NAA80: variants seen among roughly 807,000 people sequenced by gnomAD.
The protein encoded by NAA80 is N-alpha-acetyltransferase 80.
Under a neutral mutation model 8.7 loss-of-function variants are expected in NAA80, and 5 were observed. That is an observed-to-expected ratio of 0.58 (90% CI 0.30 to 1.21). NAA80 has a LOEUF of 1.21. Among genes scored for constraint, NAA80 ranks in the 50% most tolerant of loss-of-function variants. The pLI is 0.07. For synonymous variants in NAA80, 149 were observed against 156.6 expected (o/e 0.95, Z 0.36); for missense variants, 360 against 368.6 (o/e 0.98, Z 0.19).
Position 50,297,071 on chromosome 3 carries a change from G to C in NAA80, c.393C>G (p.Asn131Lys). ...VGHARLSRVL[N>K]QPQSLLVETV... ...TCTCCACTAAGAGGCTCTGGGGCTGGTTCAGCACCCGTGACAGGCGGGCAT... is the reference window on the plus strand; with the variant it reads ...TCTCCACTAAGAGGCTCTGGGGCTGCTTCAGCACCCGTGACAGGCGGGCAT... Residue 131 changes from asparagine to lysine, a missense_variant, in exon 2 of 2, where the codon AAC becomes AAG. Asn to Lys is a moderately conservative substitution (Grantham distance 94). Coordinates refer to ENST00000443094, the MANE Select transcript of NAA80 (RefSeq NM_001200016.2). This position sits in a 1 kb window ranked among gnomAD's most constrained non-coding sequence, Gnocchi z 4.3. 1.3e-6 allele frequency: 2 copies of C among 1,538,146 alleles called. No individual in the cohort carries two copies. The highest frequency in any genetic ancestry group is 8.7e-7 in the Non-Finnish European group (1 of 1,143,152).
rs77944398 is a variant in NAA80 at position 50,297,081 on chromosome 3, C to A, written c.383G>T (p.Arg128Leu). 1 of 1,539,198 alleles carries A rather than the reference C, an allele frequency of 6.5e-7. No homozygotes were observed. The highest frequency in any genetic ancestry group is 8.8e-7 in the Non-Finnish European group (1 of 1,142,724). ...GAGGCTCTGGGGCTGGTTCAGCACCCGTGACAGGCGGGCATGGCCCACCAC... is the reference window on the plus strand; with the variant it reads ...GAGGCTCTGGGGCTGGTTCAGCACCAGTGACAGGCGGGCATGGCCCACCAC... ...PVVVGHARLS[R>L]VLNQPQSLLV... The change falls in exon 2 of 2, where the codon CGG becomes CTG. Residue 128 changes from arginine to leucine, a missense_variant. Coordinates refer to ENST00000443094, the MANE Select transcript of NAA80 (RefSeq NM_001200016.2). This position sits in a 1 kb window ranked among gnomAD's most constrained non-coding sequence, Gnocchi z 4.3.
Position 50,299,269 on chromosome 3 carries a change from T to C in NAA80, c.-266A>G. The C allele has an allele frequency of 6.2e-7, 1 of 1,613,782 alleles. No individual in the cohort carries two copies. The highest frequency in any genetic ancestry group is 8.5e-7 in the Non-Finnish European group (1 of 1,179,968). Reference sequence around the variant, plus strand: ...TCCTAGCTCCGCACAGCTGGGTATCTCACTCAGTCGCCACCTCGGACTCCT... The same window carrying C: ...TCCTAGCTCCGCACAGCTGGGTATCCCACTCAGTCGCCACCTCGGACTCCT... On this transcript the variant is annotated 5_prime_UTR_variant, in exon 1 of 2. Coordinates refer to ENST00000443094, the MANE Select transcript of NAA80 (RefSeq NM_001200016.2).
Position 50,296,483 on chromosome 3 carries a change from T to C in NAA80, c.*120A>G, listed in dbSNP as rs1025759737. The C allele has an allele frequency of 8.3e-7, 1 of 1,206,498 alleles. No individual in the cohort carries two copies. The highest frequency in any genetic ancestry group is 1.2e-6 in the Non-Finnish European group (1 of 868,892). 74.7% of individuals were successfully genotyped at this position (1,206,498 alleles called of 1,614,324 possible). ...TGGCCCCACTGGTACCCAGGAAACATGCCCAGGTTAAAGCTGCCCCCCAGG... is the reference window on the plus strand; with the variant it reads ...TGGCCCCACTGGTACCCAGGAAACACGCCCAGGTTAAAGCTGCCCCCCAGG... On this transcript the variant is annotated 3_prime_UTR_variant, in exon 2 of 2. Transcript: ENST00000443094.
intron 1 of NAA80, 39 bp downstream of exon 1, chr3:50,299,174 G>C: frequency 6.2e-7 from 1 of 1,614,108 alleles, no homozygotes; most frequent in Non-Finnish European, 8.5e-7. Flanking sequence ...CGCGCGGGGT[G>C]GACCTACAGG....
chr3:50,298,640 G>C (rs1448024731), intron 1 of NAA80, among the ~76,000 whole-genome samples: 1 of 152,118 alleles, frequency 6.6e-6, no homozygotes, highest in Non-Finnish European at 1.5e-5. Context: ...GCAGGTCTAT[G>C]CTGGGGGTTT....
rs782146142 is a variant in NAA80, at chr3:50,296,658, G to A, written c.806C>T (p.Thr269Ile). Residue 269 changes from threonine to isoleucine, a missense_variant, in exon 2 of 2, where the codon ACA becomes ATA. Physicochemically the swap from Thr to Ile is moderately conservative, Grantham distance 89 (BLOSUM62 -1). Coordinates refer to ENST00000443094, the MANE Select transcript of NAA80 (RefSeq NM_001200016.2). ...SGPPSKSLLETQYQNVRGRPI... is the reference protein window; with the variant it reads ...SGPPSKSLLEIQYQNVRGRPI... ...GCGCCCCCTCACATTTTGATATTGTGTCTCCAGCAGGCTTTTTGAAGGGGG... is the reference window on the plus strand; with the variant it reads ...GCGCCCCCTCACATTTTGATATTGTATCTCCAGCAGGCTTTTTGAAGGGGG... 2 of 1,614,000 alleles carry A rather than the reference G, an allele frequency of 1.2e-6. No individual in the cohort carries two copies. The highest frequency in any genetic ancestry group is 1.1e-5 in the South Asian group (1 of 91,082).
In NAA80 at chr3:50,297,563, G is replaced by A. The variant is rs1421921185; in HGVS notation, c.-100C>T. ...GATCCAGGTTCAGCTGAGTCAGGCT[G>A]GGAGCCAAGGTCACCTGCTGCTAGG... On this transcript the variant is annotated 5_prime_UTR_variant, in exon 2 of 2. Transcript: ENST00000443094. This position sits in a 1 kb window ranked among gnomAD's most constrained non-coding sequence, Gnocchi z 4.3. The A allele has an allele frequency of 6.7e-7, 1 of 1,498,556 alleles. No individual in the cohort carries two copies. Among genetic ancestry groups the A allele is most frequent in the Admixed American group, 2.3e-5 (1 of 43,168 alleles). The allele number at this position is 1,498,556 out of a possible 1,614,324, so 92.8% of individuals were successfully genotyped here. A position where few individuals can be genotyped will look rare whatever the true frequency, so the allele number is the denominator to read the frequency against.
chr3:50,297,667 C>G lies in NAA80; in HGVS notation c.-204G>C. ...AGCATCTCTTCAGACCACAGTGGCT[C>G]TCCTCCTGTAGATAACAGCCATGCT... is the stretch of plus-strand genomic sequence containing the variant. On this transcript the variant is annotated 5_prime_UTR_variant, in exon 2 of 2. Transcript: ENST00000443094. The surrounding 1 kb of genome is among the most constrained non-coding windows in gnomAD (Gnocchi z 4.3). The G allele has an allele frequency of 7.1e-7, 1 of 1,401,756 alleles. No individual in the cohort carries two copies. Among genetic ancestry groups the G allele is most frequent in the South Asian group, 1.6e-5 (1 of 61,322 alleles). The allele number at this position is 1,401,756 out of a possible 1,614,324, so 86.8% of individuals were successfully genotyped here. A position where few individuals can be genotyped will look rare whatever the true frequency, so the allele number is the denominator to read the frequency against.
Position 50,297,714 on chromosome 3 carries a change from T to G in NAA80, c.-209-42A>C, listed in dbSNP as rs587748831. On this transcript the variant is annotated intron_variant, in intron 1 of 1. Coordinates refer to ENST00000443094, the MANE Select transcript of NAA80 (RefSeq NM_001200016.2). This position sits in a 1 kb window ranked among gnomAD's most constrained non-coding sequence, Gnocchi z 4.3. ...TGCTGGGCTGTGCCAGGAGGGAGGG[T>G]GGGGTTGGAGCAGGGAAGGGCTGAC... 5.9e-6 allele frequency: 8 copies of G among 1,357,478 alleles called. No individual in the cohort carries two copies. The African/African-American group carries it at 1.0e-4, about 18-fold the overall frequency. The allele number at this position is 1,357,478 out of a possible 1,614,324, so 84.1% of individuals were successfully genotyped here. A position where few individuals can be genotyped will look rare whatever the true frequency, so the allele number is the denominator to read the frequency against.
chr3:50,299,292 C>A lies in NAA80; in HGVS notation c.-289G>T, dbSNP rs1318587109. On this transcript the variant is annotated 5_prime_UTR_variant, in exon 1 of 2. Coordinates refer to ENST00000443094, the MANE Select transcript of NAA80 (RefSeq NM_001200016.2). ...TCTCACTCAGTCGCCACCTCGGACT[C>A]CTCGGTCCGACAACGTTGGCCCCCA... The A allele has an allele frequency of 2.5e-6, 4 of 1,612,550 alleles. No individual in the cohort carries two copies. The African/African-American group carries it at 5.3e-5, about 22-fold the overall frequency.
At position 50,299,278 on chromosome 3, in the gene NAA80, C is replaced by T. The variant is rs972603059; in HGVS notation, c.-275G>A. ...CGCACAGCTGGGTATCTCACTCAGTCGCCACCTCGGACTCCTCGGTCCGAC... is the reference window on the plus strand; with the variant it reads ...CGCACAGCTGGGTATCTCACTCAGTTGCCACCTCGGACTCCTCGGTCCGAC... On this transcript the variant is annotated 5_prime_UTR_variant, in exon 1 of 2. Transcript: ENST00000443094. 1.2e-6 allele frequency: 2 copies of T among 1,613,516 alleles called. No individual in the cohort carries two copies. The highest frequency in any genetic ancestry group is 1.7e-6 in the Non-Finnish European group (2 of 1,179,934).
In NAA80 at chr3:50,296,444, C is replaced by T; in HGVS notation, c.*159G>A. ...ATTCAGCCACACTGACGGCTCTGAG[C>T]CAGAGCCACCTCCTGGCCCCACTGG... On this transcript the variant is annotated 3_prime_UTR_variant, in exon 2 of 2. Transcript: ENST00000443094. The T allele has an allele frequency of 1.2e-6, 1 of 817,922 alleles. No homozygotes were observed. Among genetic ancestry groups the T allele is most frequent in the Non-Finnish European group, 1.9e-6 (1 of 522,882 alleles). 50.7% of individuals were successfully genotyped at this position (817,922 alleles called of 1,614,324 possible).
rs1553711501 is a variant in NAA80, at chr3:50,297,323, G to T, written c.141C>A (p.His47Gln). The change falls in exon 2 of 2, where the codon CAC becomes CAA. Residue 47 changes from histidine (H) to glutamine (Q), a missense_variant. Transcript: ENST00000443094. The surrounding 1 kb of genome is among the most constrained non-coding windows in gnomAD (Gnocchi z 4.3). ...TAGGAGCTGGGGTCTCCTCTGGCTG[G>T]TGTTCAGGATCCAGGGTAAGCTCAG... Reference protein sequence around the residue: ...GPTELTLDPEHQPEETPAPSL... With the variant: ...GPTELTLDPEQQPEETPAPSL... 1.2e-6 allele frequency: 2 copies of T among 1,607,694 alleles called. No homozygotes were observed. Among genetic ancestry groups the T allele is most frequent in the Admixed American group, 3.4e-5 (2 of 59,508 alleles).
rs1575508622 is a variant in NAA80 at position 50,299,345 on chromosome 3, C to T, written c.-342G>A. ...GGTGCGGCGGATGTTCTGCAGCCGT[C>T]GCGTCCTGCGGCACGCCACGGCGTT... On this transcript the variant is annotated 5_prime_UTR_variant, in exon 1 of 2. Transcript: ENST00000443094. 6.4e-7 allele frequency: 1 copy of T among 1,569,184 alleles called. No homozygotes were observed. Among genetic ancestry groups the T allele is most frequent in the East Asian group, 2.3e-5 (1 of 42,592 alleles).
At position 50,297,704 on chromosome 3, in the gene NAA80, G is replaced by C; in HGVS notation, c.-209-32C>G. On this transcript the variant is annotated intron_variant, in intron 1 of 1. Transcript: ENST00000443094. The surrounding 1 kb of genome is among the most constrained non-coding windows in gnomAD (Gnocchi z 4.3). ...ATAACAGCCATGCTGGGCTGTGCCA[G>C]GAGGGAGGGTGGGGTTGGAGCAGGG... 1.5e-6 allele frequency: 2 copies of C among 1,365,100 alleles called. No individual in the cohort carries two copies. Among genetic ancestry groups the C allele is most frequent in the South Asian group, 3.7e-5 (2 of 53,602 alleles). The allele number at this position is 1,365,100 out of a possible 1,614,324, so 84.6% of individuals were successfully genotyped here.
chr3:50,297,502 G>C lies in NAA80; in HGVS notation c.-39C>G. 6.5e-7 allele frequency: 1 copy of C among 1,547,088 alleles called. No homozygotes were observed. Among genetic ancestry groups the C allele is most frequent in the Non-Finnish European group, 8.7e-7 (1 of 1,143,022 alleles). Reference sequence around the variant, plus strand: ...TCTAGTGTAGGGGTCAGCTTGGCTGGGCCAGGGCTCAGAGTCAGCTCTTGC... The same window carrying C: ...TCTAGTGTAGGGGTCAGCTTGGCTGCGCCAGGGCTCAGAGTCAGCTCTTGC... On this transcript the variant is annotated 5_prime_UTR_variant, in exon 2 of 2. Transcript: ENST00000443094. The surrounding 1 kb of genome is among the most constrained non-coding windows in gnomAD (Gnocchi z 4.3).
Position 50,296,598 on chromosome 3 carries a change from T to C in NAA80, c.*5A>G. ...CAGAAAGACAGTTCCTTGCCCTGGA[T>C]GGCCTCAGATGTCTTTTTCCATCCA... On this transcript the variant is annotated 3_prime_UTR_variant, in exon 2 of 2. Coordinates refer to ENST00000443094, the MANE Select transcript of NAA80 (RefSeq NM_001200016.2). 1 of 1,613,610 alleles carries C rather than the reference T, an allele frequency of 6.2e-7. No individual in the cohort carries two copies. Among genetic ancestry groups the C allele is most frequent in the Non-Finnish European group, 8.5e-7 (1 of 1,179,708 alleles).
Position 50,299,372 on chromosome 3 carries a change from T to C in NAA80, c.-369A>G, listed in dbSNP as rs1702022181. The C allele has an allele frequency of 1.3e-6, 2 of 1,505,596 alleles. No individual in the cohort carries two copies. The highest frequency in any genetic ancestry group is 1.8e-6 in the Non-Finnish European group (2 of 1,117,572). The allele number at this position is 1,505,596 out of a possible 1,614,324, so 93.3% of individuals were successfully genotyped here. A position where few individuals can be genotyped will look rare whatever the true frequency, so the allele number is the denominator to read the frequency against. On this transcript the variant is annotated 5_prime_UTR_variant, in exon 1 of 2. Coordinates refer to ENST00000443094, the MANE Select transcript of NAA80 (RefSeq NM_001200016.2). The stretch of plus-strand genomic sequence containing the variant: ...CGTCCTGCGGCACGCCACGGCGTTC[T>C]AAGGCCTCCCAGCACCCGCGCGTCG...
At chr3:50,298,790 C>T in intron 1 of NAA80, 1 of 1,099,284 alleles carries the variant, frequency 9.1e-7, no homozygotes, top group Non-Finnish European at 1.1e-6. Context: ...CCTCACCTCC[C>T]ACACCATTCA....
Sources: gnomAD v4.1 joint callset for allele counts (sites outside exome capture counted in the v4.1 genomes callset) on GRCh38, gnomAD v4.1.1 for gene constraint, Gnocchi (gnomAD v3.1) non-coding constraint, MANE v1.5 for transcripts, NCBI Gene and HGNC (gene_info 2026-07-23, HGNC 2026-07-21) for gene names.